Variants in RFTN1 observed in about 807,000 individuals in gnomAD.
The protein encoded by RFTN1 is raftlin, lipid raft linker 1, also known as raftlin.
In RFTN1, 26 loss-of-function variants were observed where a neutral mutation model predicts 46.5. The observed-to-expected ratio is 0.56, with a 90% CI of 0.41 to 0.78. The LOEUF (loss-of-function observed/expected upper bound fraction) is 0.78. RFTN1 is among the 30% of genes least tolerant of loss of function. The pLI, the probability that RFTN1 is intolerant of heterozygous loss-of-function variation, is 0.00. For synonymous variants in RFTN1, 261 were observed against 284.2 expected (o/e 0.92, Z 0.82); for missense variants, 693 against 718.7 (o/e 0.96, Z 0.41).
In RFTN1 at chr3:16,448,958, T is replaced by A. The variant is rs575950374; in HGVS notation, c.146-14921A>T. 6.6e-6 allele frequency among the ~76,000 whole-genome samples: 1 copy of A among 152,342 alleles called. No homozygotes were observed. The highest frequency in any genetic ancestry group is 2.4e-5 in the African/African-American group (1 of 41,590). On this transcript the variant is annotated intron_variant, in intron 2 of 9. Coordinates refer to ENST00000334133, the MANE Select transcript of RFTN1 (RefSeq NM_015150.2). The surrounding 1 kb of genome is among the most constrained non-coding windows in gnomAD (Gnocchi z 4.1). Reference sequence around the variant, plus strand: ...TTGAGTCCCTGGAAATGCTTTGTACTGAATTTTCCAGATGATTTATGTTAT... The same window carrying A: ...TTGAGTCCCTGGAAATGCTTTGTACAGAATTTTCCAGATGATTTATGTTAT...
rs1038409126 is a variant in RFTN1, at chr3:16,458,594, A to C, written c.146-24557T>G. Among the ~76,000 whole-genome samples the C allele has an allele frequency of 2.6e-5, 4 of 152,262 alleles. No individual in the cohort carries two copies. Among genetic ancestry groups the C allele is most frequent in the African/African-American group, 9.6e-5 (4 of 41,562 alleles). On this transcript the variant is annotated intron_variant, in intron 2 of 9. Transcript: ENST00000334133. This position sits in a 1 kb window ranked among gnomAD's most constrained non-coding sequence, Gnocchi z 5.1. ...TTGTAAATCGTAAATTGTCCTTTCA[A>C]CATGCATAATGACAAGCATTTCGAC... is the stretch of plus-strand genomic sequence containing the variant.
chr3:16,477,605 A>C (rs1304929861), intron 2 of RFTN1, among the ~76,000 whole-genome samples: 1 of 152,244 alleles, frequency 6.6e-6, no homozygotes, highest in Non-Finnish European at 1.5e-5. Flanking sequence ...GGAAGAGCCA[A>C]ACCTCATTAC....
At chr3:16,438,325 T>C (rs1348539989) in intron 2 of RFTN1, among the ~76,000 whole-genome samples, 1 of 151,962 alleles carries the variant, frequency 6.6e-6, no homozygotes. Flanking sequence ...TGGCTCACGC[T>C]TGTAATCGCA....
At position 16,407,462 on chromosome 3, in the gene RFTN1, G is replaced by T. The variant is rs540468568; in HGVS notation, c.441+1913C>A. ...TTTGCCTCAGCCTCCCAAAGTGTTG[G>T]GATTACCAGCTGAGCCACTGTGCCC... On this transcript the variant is annotated intron_variant, in intron 4 of 9. Transcript: ENST00000334133. This position sits in a 1 kb window ranked among gnomAD's most constrained non-coding sequence, Gnocchi z 4.0. Among the ~76,000 whole-genome samples, 1 of 152,064 alleles carries T rather than the reference G, an allele frequency of 6.6e-6. No homozygotes were observed. Among genetic ancestry groups the T allele is most frequent in the East Asian group, 1.9e-4 (1 of 5,170 alleles).
intron 2 of RFTN1, chr3:16,472,491 C>T (rs1248867507): frequency 2.6e-5 from 4 of 152,272 alleles, no homozygotes; most frequent in Admixed American, 2.6e-4. Context: ...AGACCCCAAA[C>T]AACCAAGCCA....
chr3:16,463,931 GA>G (rs1238335259), intron 2 of RFTN1, among the ~76,000 whole-genome samples: 1 of 152,136 alleles, frequency 6.6e-6, no homozygotes, highest in Non-Finnish European at 1.5e-5. Flanking sequence ...CCTTTGCTAG[GA>G]CTTAGCCCTC....
At position 16,451,645 on chromosome 3, in the gene RFTN1, T is replaced by C. The variant is rs2075825083; in HGVS notation, c.146-17608A>G. Among the ~76,000 whole-genome samples the C allele has an allele frequency of 6.6e-6, 1 of 152,204 alleles. No individual in the cohort carries two copies. The highest frequency in any genetic ancestry group is 1.5e-5 in the Non-Finnish European group (1 of 68,032). Reference sequence around the variant, plus strand: ...TCGTGTCTTCCACCTAAAAATTTAATGCCTTTTTCATCTTCACTAAGCACA... The same window carrying C: ...TCGTGTCTTCCACCTAAAAATTTAACGCCTTTTTCATCTTCACTAAGCACA... On this transcript the variant is annotated intron_variant, in intron 2 of 9. Coordinates refer to ENST00000334133, the MANE Select transcript of RFTN1 (RefSeq NM_015150.2). The surrounding 1 kb of genome is among the most constrained non-coding windows in gnomAD (Gnocchi z 4.2).
At chr3:16,360,561 A>G (rs535725863) in intron 6 of RFTN1, among the ~76,000 whole-genome samples, 21 of 152,362 alleles carry the variant, frequency 1.4e-4, no homozygotes, top group African/African-American at 4.8e-4. Context: ...TAACTGTACA[A>G]TCTTTATAGA....
Position 16,408,218 on chromosome 3 carries a change from C to T in RFTN1, c.441+1157G>A, listed in dbSNP as rs534107190. 3.9e-5 allele frequency among the ~76,000 whole-genome samples: 6 copies of T among 152,184 alleles called. No individual in the cohort carries two copies. The East Asian group carries it at 9.7e-4, about 25-fold the overall frequency. On this transcript the variant is annotated intron_variant, in intron 4 of 9. Coordinates refer to ENST00000334133, the MANE Select transcript of RFTN1 (RefSeq NM_015150.2). Reference sequence around the variant, plus strand: ...GAGGGCTTCCCGACCTGTCCGAGCACAGCCGCATCCCCAAAGACACCCCGT... The same window carrying T: ...GAGGGCTTCCCGACCTGTCCGAGCATAGCCGCATCCCCAAAGACACCCCGT...
intron 7 of RFTN1, among the ~76,000 whole-genome samples, chr3:16,357,245 C>G (rs1446045508): frequency 2.0e-5 from 3 of 152,166 alleles, no homozygotes; most frequent in Non-Finnish European, 4.4e-5. Flanking sequence ...GCTAAAAAGT[C>G]CATGCTTCCG....
rs1006569695 is a variant in RFTN1, at chr3:16,499,632, T to C, written c.-8-5755A>G. On this transcript the variant is annotated intron_variant, in intron 1 of 9. Coordinates refer to ENST00000334133, the MANE Select transcript of RFTN1 (RefSeq NM_015150.2). This position sits in a 1 kb window ranked among gnomAD's most constrained non-coding sequence, Gnocchi z 4.9. ...GCAAAATAAGCTACTGTTGTTGTTT[T>C]AAGCTTCTAAGTTTTGGAGTGGTTC... 2.0e-5 allele frequency among the ~76,000 whole-genome samples: 3 copies of C among 152,256 alleles called. No individual in the cohort carries two copies. Among genetic ancestry groups the C allele is most frequent in the Admixed American group, 6.5e-5 (1 of 15,292 alleles).
In RFTN1 at chr3:16,330,094, G is replaced by T. The variant is rs182655388; in HGVS notation, c.1147-3218C>A. On this transcript the variant is annotated intron_variant, in intron 7 of 9. Coordinates refer to ENST00000334133, the MANE Select transcript of RFTN1 (RefSeq NM_015150.2). The stretch of plus-strand genomic sequence containing the variant: ...TCAGGGTAGGAGATGTCAGCCAGAG[G>T]GTACAGAATCATAAAGGCCAAAAGC... Among the ~76,000 whole-genome samples, 5 of 152,228 alleles carry T rather than the reference G, an allele frequency of 3.3e-5. No homozygotes were observed. The East Asian group carries it at 9.6e-4, about 29-fold the overall frequency.
chr3:16,489,417 C>G lies in RFTN1; in HGVS notation c.145+4308G>C, dbSNP rs950745711. On this transcript the variant is annotated intron_variant, in intron 2 of 9. Transcript: ENST00000334133. The surrounding 1 kb of genome is among the most constrained non-coding windows in gnomAD (Gnocchi z 4.0). ...TGGGCAACAGAGTGAGACTTCGCTT[C>G]AAAAAAAAATCAGTGATGGAGAGGA... Among the ~76,000 whole-genome samples, 1 of 150,124 alleles carries G rather than the reference C, an allele frequency of 6.7e-6. No individual in the cohort carries two copies. The highest frequency in any genetic ancestry group is 6.6e-5 in the Admixed American group (1 of 15,102).
rs689960 is a variant in RFTN1 at position 16,376,705 on chromosome 3, A to G, written c.826+1013T>C. On this transcript the variant is annotated intron_variant, in intron 5 of 9. Coordinates refer to ENST00000334133, the MANE Select transcript of RFTN1 (RefSeq NM_015150.2). This position sits in a 1 kb window ranked among gnomAD's most constrained non-coding sequence, Gnocchi z 4.7. ...TAAACAATAGTCTTACTACATCACA[A>G]AACTGACGCAGCTCCAATATCTCCC... 0.64 allele frequency among the ~76,000 whole-genome samples: 96,734 copies of G among 152,106 alleles called. 31,968 individuals are homozygous for G. Among genetic ancestry groups the G allele is most frequent in the African/African-American group, 0.8 (33,247 of 41,510 alleles).
rs1491581919 is a variant in RFTN1, at chr3:16,345,264, T to TTTGTGTGTGTGTGTGTGTGTGTGTG, written c.1146+12667_1146+12668insCACACACACACACACACACACACAA. 6.1e-4 allele frequency: 89 copies of TTTGTGTGTGTGTGTGTGTGTGTGTG among 145,930 alleles called. 1 individual carries two copies. The highest frequency in any genetic ancestry group is 2.1e-3 in the African/African-American group (78 of 37,852). The allele number at this position is 145,930 out of a possible 1,614,324, so 9.0% of individuals were successfully genotyped here. On this transcript the variant is annotated intron_variant, in intron 7 of 9. Coordinates refer to ENST00000334133, the MANE Select transcript of RFTN1 (RefSeq NM_015150.2). This position sits in a 1 kb window ranked among gnomAD's most constrained non-coding sequence, Gnocchi z 5.2. ...AAACTGTAAGATAATAAGTAGGTGG[T>TTTGTGTGTGTGTGTGTGTGTGTGTG]TGTGTGTGTGTGTGTGTGTGTGTGT...
chr3:16,497,792 G>A (rs2076648675), intron 1 of RFTN1, among the ~76,000 whole-genome samples: 1 of 152,216 alleles, frequency 6.6e-6, no homozygotes, highest in Non-Finnish European at 1.5e-5. Flanking sequence ...GGAAGGACAA[G>A]AAACTAAGCT....
At chr3:16,326,718 T>C (rs1200115022) in intron 8 of RFTN1, 55 bp downstream of exon 8, 1 of 1,339,074 alleles carries the variant, frequency 7.5e-7, no homozygotes, top group African/African-American at 1.4e-5. Flanking sequence ...TTAGGAACAG[T>C]GACTAGCACA....
chr3:16,469,102 G>A (rs1444666519), intron 2 of RFTN1, among the ~76,000 whole-genome samples: 2 of 152,272 alleles, frequency 1.3e-5, no homozygotes, highest in East Asian at 1.9e-4. Context: ...CAGGTTACAT[G>A]TGAAAAATAT....
intron 3 of RFTN1, among the ~76,000 whole-genome samples, chr3:16,432,902 G>A (rs73816454): frequency 6.6e-6 from 1 of 152,146 alleles, no homozygotes; most frequent in Non-Finnish European, 1.5e-5. Context: ...AAAGGAAAGA[G>A]GAGTCAGTCT....
Sources: gnomAD v4.1 joint callset for allele counts (sites outside exome capture counted in the v4.1 genomes callset) on GRCh38, gnomAD v4.1.1 for gene constraint, Gnocchi (gnomAD v3.1) non-coding constraint, MANE v1.5 for transcripts, NCBI Gene and HGNC (gene_info 2026-07-23, HGNC 2026-07-21) for gene names.